TRIM2: variants seen among roughly 807,000 people sequenced by gnomAD.
TRIM2 encodes tripartite motif containing 2.
TRIM2 carries 20 observed loss-of-function variants against 75.2 expected under a neutral mutation model. The observed-to-expected ratio is 0.27, with a 90% CI of 0.19 to 0.39. TRIM2 has a LOEUF of 0.39. Among genes scored for constraint, TRIM2 ranks in the 10% least tolerant of loss-of-function variants. TRIM2 has a pLI of 1.00. For synonymous variants in TRIM2, 373 were observed against 388.3 expected, an observed-to-expected ratio of 0.96 and a Z score of 0.46; for missense variants, 660 against 990.8, an observed-to-expected ratio of 0.67 and a Z score of 4.48.
At chr4:153,282,915 A>C (rs1321750676) in intron 3 of TRIM2, among the ~76,000 whole-genome samples, 1 of 151,632 alleles carries the variant, frequency 6.6e-6, no homozygotes, top group African/African-American at 2.4e-5. Context: ...CAGCCTCCCG[A>C]GTAACTGGGA....
chr4:153,287,467 A>G (rs72967119), intron 3 of TRIM2, among the ~76,000 whole-genome samples: 3,390 of 152,198 alleles, frequency 0.022, 77 homozygotes, highest in African/African-American at 0.058. Context: ...GCCATTTACT[A>G]TTCTTTTTCT....
chr4:153,323,272 T>C (rs1297882403), intron 9 of TRIM2, among the ~76,000 whole-genome samples: 1 of 152,228 alleles, frequency 6.6e-6, no homozygotes, highest in African/African-American at 2.4e-5. Context: ...GTTTTACGTC[T>C]CTTTGGTGTA....
At chr4:153,228,424 G>A (rs745839339) in intron 1 of TRIM2, among the ~76,000 whole-genome samples, 7 of 152,224 alleles carry the variant, frequency 4.6e-5, no homozygotes, top group Non-Finnish European at 8.8e-5. Context: ...AATGTGGCTC[G>A]CTAAAAGATA....
intron 8 of TRIM2, among the ~76,000 whole-genome samples, chr4:153,320,659 G>A (rs1768727207): frequency 6.6e-6 from 1 of 152,124 alleles, no homozygotes; most frequent in Admixed American, 6.5e-5. Flanking sequence ...TCGAGACAGA[G>A]TCTCGCTCTG....
chr4:153,299,330 A>G (rs1763386957), intron 6 of TRIM2, among the ~76,000 whole-genome samples: 1 of 152,094 alleles, frequency 6.6e-6, no homozygotes, highest in Non-Finnish European at 1.5e-5. Flanking sequence ...TTGAAGCTGA[A>G]TAGTATTCCA....
chr4:153,289,054 G>A (rs1324495400), intron 3 of TRIM2, among the ~76,000 whole-genome samples: 1 of 152,002 alleles, frequency 6.6e-6, no homozygotes, highest in Non-Finnish European at 1.5e-5. Flanking sequence ...AGTCAAGTAA[G>A]TCCAATCTGG....
At chr4:153,218,701 A>G (rs1439449282) in intron 1 of TRIM2, among the ~76,000 whole-genome samples, 1 of 152,116 alleles carries the variant, frequency 6.6e-6, no homozygotes. Flanking sequence ...ACCCTTCCAA[A>G]TGAGTCTTTT....
chr4:153,226,609 G>A (rs564717906), intron 1 of TRIM2, among the ~76,000 whole-genome samples: 1 of 152,302 alleles, frequency 6.6e-6, no homozygotes, highest in East Asian at 1.9e-4. Flanking sequence ...TTAGTTTAAT[G>A]CAGTCATTGG....
chr4:153,332,424 G>T (rs1376083364), intron 11 of TRIM2, among the ~76,000 whole-genome samples: 2 of 152,142 alleles, frequency 1.3e-5, no homozygotes, highest in South Asian at 4.1e-4. Context: ...GCGGGTGGAT[G>T]ACCTGAGGTC....
At chr4:153,208,240 G>A (rs1481755720) in intron 1 of TRIM2, among the ~76,000 whole-genome samples, 1 of 152,166 alleles carries the variant, frequency 6.6e-6, no homozygotes, top group African/African-American at 2.4e-5. Context: ...GGAAGCTGCA[G>A]TGAGCTATGA....
At chr4:153,277,319 C>T (rs948859574) in intron 3 of TRIM2, among the ~76,000 whole-genome samples, 3 of 152,228 alleles carry the variant, frequency 2.0e-5, no homozygotes, top group African/African-American at 7.2e-5. Context: ...TCTTCTCCAC[C>T]TGTACCGTCT....
rs553061263 is a variant in TRIM2, at chr4:153,168,944, G to A, written c.-49+15674G>A. Among the ~76,000 whole-genome samples, 445 of 152,232 alleles carry A rather than the reference G, an allele frequency of 2.9e-3. 4 individuals are homozygous for A. Among genetic ancestry groups the A allele is most frequent in the African/African-American group, 0.01 (425 of 41,542 alleles). The stretch of plus-strand genomic sequence containing the variant: ...AATCAATCAATCAATAGCTGGGCAT[G>A]TTGGCACATGCCTGTAGTCCCAGAT... On this transcript the variant is annotated intron_variant, in intron 1 of 11. Transcript: ENST00000437508.
intron 1 of TRIM2, among the ~76,000 whole-genome samples, chr4:153,253,236 G>A (rs1037737187): frequency 5.9e-5 from 9 of 152,200 alleles, no homozygotes; most frequent in African/African-American, 2.2e-4. Flanking sequence ...AGAACAAGTG[G>A]TAAGTGAGCC....
intron 1 of TRIM2, among the ~76,000 whole-genome samples, chr4:153,261,497 A>G (rs1205958310): frequency 6.6e-6 from 1 of 152,202 alleles, no homozygotes; most frequent in Admixed American, 6.5e-5. Flanking sequence ...ATAACGCAGG[A>G]ATGCCATAAA....
At chr4:153,183,346 T>C (rs1013800059) in intron 1 of TRIM2, among the ~76,000 whole-genome samples, 16 of 152,352 alleles carry the variant, frequency 1.1e-4, no homozygotes, top group African/African-American at 3.6e-4. Flanking sequence ...TAAATGTTCC[T>C]TGAAGGCATG....
chr4:153,189,614 C>T (rs924915521), intron 1 of TRIM2, among the ~76,000 whole-genome samples: 14 of 152,148 alleles, frequency 9.2e-5, no homozygotes, highest in Non-Finnish European at 1.8e-4. Context: ...CTGAGGGAGG[C>T]CCCTTCCTCT....
chr4:153,222,986 C>A (rs1340097811), intron 1 of TRIM2: 1 of 152,294 alleles, frequency 6.6e-6, no homozygotes, highest in Non-Finnish European at 1.5e-5. Flanking sequence ...AGGGGTGAGG[C>A]CCAGGCCACT....
chr4:153,192,656 A>G (rs951950207), intron 1 of TRIM2, among the ~76,000 whole-genome samples: 24 of 151,884 alleles, frequency 1.6e-4, no homozygotes, highest in African/African-American at 5.8e-4. Flanking sequence ...AGTAGAACAA[A>G]TGGAATTAAT....
At chr4:153,170,167 G>A (rs1730701875) in intron 1 of TRIM2, among the ~76,000 whole-genome samples, 1 of 152,196 alleles carries the variant, frequency 6.6e-6, no homozygotes, top group South Asian at 2.1e-4. Flanking sequence ...GGAGGTGGAG[G>A]AGAAGGAGAA....
Sources: allele counts gnomAD v4.1 joint callset (sites outside exome capture counted in the v4.1 genomes callset), GRCh38; gene constraint gnomAD v4.1.1; transcripts MANE v1.5; gene names NCBI Gene and HGNC (gene_info 2026-07-23, HGNC 2026-07-21).